The following C10orf105 variants were observed in gnomAD, a reference collection of about 807,000 sequenced individuals.
The protein encoded by C10orf105 is uncharacterized protein C10orf105.
In C10orf105, 2 loss-of-function variants were observed where a neutral mutation model predicts 0.6. That is an observed-to-expected ratio of 3.18 (90% confidence interval 1.30 to 10.01). The LOEUF (loss-of-function observed/expected upper bound fraction) is 10.01, where lower values mean the gene tolerates loss of function less well. Ranked by LOEUF, C10orf105 falls within the 30% of genes most tolerant of loss-of-function variation. C10orf105 has a pLI of 0.04. For synonymous variants in C10orf105, 95 were observed against 82.4 expected, an observed-to-expected ratio of 1.15 and a Z score of -0.83; for missense variants, 209 against 191.4, an observed-to-expected ratio of 1.09 and a Z score of -0.54.
intron 1 of C10orf105, chr10:71,730,322 C>A: frequency 1.1e-6 from 1 of 931,714 alleles, no homozygotes; most frequent in Non-Finnish European, 1.6e-6. Context: ...GTCACAGTGA[C>A]CCACCAGACA....
chr10:71,731,598 C>T (rs1402432442), intron 1 of C10orf105, among the ~76,000 whole-genome samples: 1 of 152,156 alleles, frequency 6.6e-6, no homozygotes, highest in Non-Finnish European at 1.5e-5. Context: ...CAAACCAAGG[C>T]TTGGCCATCT....
upstream of C10orf105, chr10:71,724,151 G>A (rs1015876147): frequency 4.5e-6 from 7 of 1,542,524 alleles, no homozygotes; most frequent in African/African-American, 8.2e-5. Context: ...CCTGCCCAGG[G>A]GAGGGCAGAG....
At chr10:71,723,937 TGGCAGGATGG>T, upstream of C10orf105, 1 of 1,264,198 alleles carries the variant, frequency 7.9e-7, no homozygotes, top group Non-Finnish European at 1.1e-6. Flanking sequence ...CCACAGGTTT[TGGCAGGATGG>T]GGTAGGATGC....
rs1163042408 is a variant in C10orf105 at position 71,713,481 on chromosome 10, G to A, written c.*2455C>T. ...CCTGCCCACTGGGGCAGGCTCCCGG[G>A]CTTGGGAGGGACAGAAGCGTGGGAG... On this transcript the variant is annotated 3_prime_UTR_variant, in exon 2 of 2. Transcript: ENST00000441508. The A allele has an allele frequency of 1.7e-6, 1 of 577,070 alleles. No homozygotes were observed. The highest frequency in any genetic ancestry group is 3.1e-6 in the Non-Finnish European group (1 of 323,900). 35.7% of individuals were successfully genotyped at this position (577,070 alleles called of 1,614,324 possible). A position where few individuals can be genotyped will look rare whatever the true frequency, so the allele number is the denominator to read the frequency against.
Position 71,716,092 on chromosome 10 carries a change from G to A in C10orf105, c.246C>T (p.Pro82=). Residue 82 remains proline (P), a synonymous_variant, in exon 2 of 2, where the codon CCC becomes CCT. Transcript: ENST00000441508. ...TCCAGAGCCGGAGCTGGGGCTCACT[G>A]GGGCTCCCAGGGTGGTGGGGCATGC... is the stretch of plus-strand genomic sequence containing the variant. ...HECMPHHPGS[P]SEPQLRLWKR... 4 of 1,532,436 alleles carry A rather than the reference G, an allele frequency of 2.6e-6. No individual in the cohort carries two copies. Among genetic ancestry groups the A allele is most frequent in the Non-Finnish European group, 3.5e-6 (4 of 1,136,168 alleles). 94.9% of individuals were successfully genotyped at this position (1,532,436 alleles called of 1,614,324 possible). A position where few individuals can be genotyped will look rare whatever the true frequency, so the allele number is the denominator to read the frequency against.
intron 1 of C10orf105, among the ~76,000 whole-genome samples, chr10:71,729,346 A>G (rs908655673): frequency 6.6e-6 from 1 of 152,224 alleles, no homozygotes; most frequent in African/African-American, 2.4e-5. Flanking sequence ...GAAAAGGTGG[A>G]ACAGGGTGCA....
At chr10:71,718,736 G>C (rs532865101) in intron 1 of C10orf105, among the ~76,000 whole-genome samples, 1 of 152,198 alleles carries the variant, frequency 6.6e-6, no homozygotes, top group South Asian at 2.1e-4. Context: ...TAGCAAATAG[G>C]ATCCAGGCTT....
chr10:71,727,684 T>G (rs540457713), intron 1 of C10orf105, among the ~76,000 whole-genome samples: 7 of 152,210 alleles, frequency 4.6e-5, no homozygotes, highest in Admixed American at 1.3e-4. Flanking sequence ...CACGCACATA[T>G]GCCCACGCAC....
intron 1 of C10orf105, among the ~76,000 whole-genome samples, chr10:71,736,642 G>T (rs1249958536): frequency 4.6e-5 from 7 of 152,158 alleles, no homozygotes; most frequent in African/African-American, 7.2e-5. Flanking sequence ...CCTTCCACTG[G>T]GAAGTCCAGC....
rs753593250 is a variant in C10orf105 at position 71,716,106 on chromosome 10, G to T, written c.232C>A (p.His78Asn). ...TGGGGCTCACTGGGGCTCCCAGGGTGGTGGGGCATGCACTCGTGAGCCCTG... is the reference window on the plus strand; with the variant it reads ...TGGGGCTCACTGGGGCTCCCAGGGTTGTGGGGCATGCACTCGTGAGCCCTG... ...RRRAHECMPH[H>N]PGSPSEPQLR... Residue 78 changes from histidine to asparagine, a missense_variant, in exon 2 of 2, where the codon CAC becomes AAC. Physicochemically the swap from His to Asn is moderately conservative, Grantham distance 68 (BLOSUM62 1). Coordinates refer to ENST00000441508, the MANE Select transcript of C10orf105 (RefSeq NM_001164375.3). The T allele has an allele frequency of 6.5e-7, 1 of 1,544,006 alleles. No individual in the cohort carries two copies. Among genetic ancestry groups the T allele is most frequent in the Non-Finnish European group, 8.8e-7 (1 of 1,142,612 alleles).
In C10orf105 at chr10:71,716,151, C is replaced by T. The variant is rs938587590; in HGVS notation, c.187G>A (p.Ala63Thr). 10 of 1,550,446 alleles carry T rather than the reference C, an allele frequency of 6.4e-6. No homozygotes were observed. The highest frequency in any genetic ancestry group is 2.0e-5 in the Admixed American group (1 of 50,918). ...GCCCTGCGGCGGCTCGGGTCCAGCG[C>T]GGCCGGCTTGCAGAGCGTCATGAAC... The part of the protein sequence containing the change: ...LLFMTLCKPA[A>T]LDPSRRRAHE... Residue 63 changes from alanine to threonine, a missense_variant, in exon 2 of 2, where the codon GCG becomes ACG. Coordinates refer to ENST00000441508, the MANE Select transcript of C10orf105 (RefSeq NM_001164375.3).
chr10:71,732,846 G>A, intron 1 of C10orf105: 1 of 324,836 alleles, frequency 3.1e-6, no homozygotes, highest in Non-Finnish European at 4.7e-6. Flanking sequence ...TGACTCTCTT[G>A]ACACCAGCTG....
At position 71,713,471 on chromosome 10, in the gene C10orf105, A is replaced by G. The variant is rs1866075132; in HGVS notation, c.*2465T>C. 6.9e-6 allele frequency: 4 copies of G among 582,896 alleles called. No individual in the cohort carries two copies. The East Asian group carries it at 8.6e-5, about 13-fold the overall frequency. The allele number at this position is 582,896 out of a possible 1,614,324, so 36.1% of individuals were successfully genotyped here. ...GGAATCTGGGCCTGCCCACTGGGGC[A>G]GGCTCCCGGGCTTGGGAGGGACAGA... On this transcript the variant is annotated 3_prime_UTR_variant, in exon 2 of 2. Coordinates refer to ENST00000441508, the MANE Select transcript of C10orf105 (RefSeq NM_001164375.3).
upstream of C10orf105, among the ~76,000 whole-genome samples, chr10:71,720,888 C>T (rs1866526431): frequency 6.6e-6 from 1 of 152,186 alleles, no homozygotes; most frequent in African/African-American, 2.4e-5. Context: ...GGTGTTTCCC[C>T]TGTGCTGGGT....
chr10:71,720,218 C>T (rs1036383106), upstream of C10orf105, among the ~76,000 whole-genome samples: 10 of 152,200 alleles, frequency 6.6e-5, no homozygotes, highest in African/African-American at 2.4e-4. Context: ...CCCTGGGCCC[C>T]ATTCCTTCCA....
intron 1 of C10orf105, among the ~76,000 whole-genome samples, chr10:71,729,992 G>A (rs992050638): frequency 3.3e-5 from 5 of 151,888 alleles, no homozygotes; most frequent in Non-Finnish European, 5.9e-5. Context: ...CCGCCACCAC[G>A]CCCGGCTAAT....
Position 71,716,079 on chromosome 10 carries a change from G to GCTGGGGCTCA in C10orf105, c.249_258dup (p.Leu87Ter), listed in dbSNP as rs1866212657. The GCTGGGGCTCA allele has an allele frequency of 6.6e-7, 1 of 1,525,964 alleles. No homozygotes were observed. 94.5% of individuals were successfully genotyped at this position (1,525,964 alleles called of 1,614,324 possible). ...GAGCCCAGGCGCTTCCAGAGCCGGA[G>GCTGGGGCTCA]CTGGGGCTCACTGGGGCTCCCAGGG... On this transcript the variant is annotated stop_gained and frameshift_variant, in exon 2 of 2. Coordinates refer to ENST00000441508, the MANE Select transcript of C10orf105 (RefSeq NM_001164375.3). LOFTEE classifies it low-confidence loss of function (END_TRUNC).
At chr10:71,734,794 A>G (rs1350198848) in intron 1 of C10orf105, 1 of 532,452 alleles carries the variant, frequency 1.9e-6, no homozygotes, top group Non-Finnish European at 3.6e-6. Flanking sequence ...GCCCCCTCCC[A>G]GTGCCTCCAC....
chr10:71,730,956 G>A (rs1007100279), intron 1 of C10orf105, among the ~76,000 whole-genome samples: 9 of 152,324 alleles, frequency 5.9e-5, no homozygotes, highest in East Asian at 3.9e-4. Context: ...AGCTGGCTGC[G>A]GCCTGGCCTG....
Sources: allele counts gnomAD v4.1 joint callset (sites outside exome capture counted in the v4.1 genomes callset), GRCh38; gene constraint gnomAD v4.1.1; transcripts MANE v1.5; gene names NCBI Gene and HGNC (gene_info 2026-07-23, HGNC 2026-07-21).